MYRFL: variants seen among roughly 807,000 people sequenced by gnomAD.
The protein encoded by MYRFL is myelin regulatory factor-like protein.
A neutral mutation model predicts 109.4 loss-of-function variants in MYRFL; 88 were observed. The ratio of observed to expected loss-of-function variants is 0.80; its 90% CI spans 0.68 to 0.96. The LOEUF (loss-of-function observed/expected upper bound fraction) is 0.96. MYRFL is among the 40% of genes least tolerant of loss of function. MYRFL has a pLI of 0.00. For missense variants in MYRFL, 957 were observed against 954.9 expected (o/e 1.00, Z -0.03); for synonymous variants, 324 against 320.9 (o/e 1.01, Z -0.10).
At chr12:69,867,604 A>G (rs898922492) in intron 2 of MYRFL, among the ~76,000 whole-genome samples, 1 of 152,180 alleles carries the variant, frequency 6.6e-6, no homozygotes, top group African/African-American at 2.4e-5. Flanking sequence ...ATTTCGTTCT[A>G]ATGTTTGAGC....
intron 10 of MYRFL, among the ~76,000 whole-genome samples, chr12:69,899,225 C>A (rs976587236): frequency 1.4e-5 from 2 of 141,350 alleles, no homozygotes; most frequent in Non-Finnish European, 3.1e-5. Context: ...TTCATCCCCC[C>A]ACTAGAAATA....
At chr12:69,887,001 G>A in intron 6 of MYRFL, 31 bp downstream of exon 6, 1 of 1,533,822 alleles carries the variant, frequency 6.5e-7, no homozygotes, top group Non-Finnish European at 8.7e-7. Context: ...GGAGAGTGAG[G>A]GGAGAAAGAC....
chr12:69,887,033 G>GAT, intron 6 of MYRFL, 63 bp downstream of exon 6: 1 of 1,498,934 alleles, frequency 6.7e-7, no homozygotes, highest in Non-Finnish European at 8.9e-7. Context: ...TCAGTACTGA[G>GAT]TTCAAGCACT....
intron 2 of MYRFL, among the ~76,000 whole-genome samples, chr12:69,863,694 AG>A (rs1383989598): frequency 6.6e-6 from 1 of 152,202 alleles, no homozygotes; most frequent in Non-Finnish European, 1.5e-5. Flanking sequence ...AACTTAAGAG[AG>A]AAAAAGTAGG....
rs1478781453 is a variant in MYRFL at position 69,876,924 on chromosome 12, G to C, written c.138-2104G>C. 2.0e-5 allele frequency among the ~76,000 whole-genome samples: 3 copies of C among 152,134 alleles called. No homozygotes were observed. The East Asian group carries it at 5.8e-4, about 29-fold the overall frequency. On this transcript the variant is annotated intron_variant, in intron 2 of 24. Coordinates refer to ENST00000552032, the MANE Select transcript of MYRFL (RefSeq NM_182530.3). ...CAGTTTCCCTGGGACCATTTCTCTA[G>C]AGAGTAAACCTTTCCAACTTCTGTT...
intron 7 of MYRFL, among the ~76,000 whole-genome samples, chr12:69,891,649 C>CTTTCTTTCTTTCT: frequency 6.3e-5 from 6 of 94,854 alleles, no homozygotes; most frequent in African/African-American, 1.4e-4. Flanking sequence ...TTCTTTCTTT[C>CTTTCTTTCTTTCT]TTTCTTTCTT....
intron 1 of MYRFL, among the ~76,000 whole-genome samples, chr12:69,835,932 A>G (rs943597468): frequency 6.6e-6 from 1 of 152,196 alleles, no homozygotes; most frequent in Non-Finnish European, 1.5e-5. Flanking sequence ...TGCCGTCTAT[A>G]GGCTTGTGTT....
intron 2 of MYRFL, among the ~76,000 whole-genome samples, chr12:69,869,565 T>C (rs1885218523): frequency 6.6e-6 from 1 of 152,222 alleles, no homozygotes; most frequent in African/African-American, 2.4e-5. Flanking sequence ...TGGTCATATG[T>C]AGTTTAACAC....
At chr12:69,829,150 T>G (rs1303103012) in intron 1 of MYRFL, among the ~76,000 whole-genome samples, 2 of 152,072 alleles carry the variant, frequency 1.3e-5, no homozygotes, top group Non-Finnish European at 2.9e-5. Context: ...CTAGAACCTG[T>G]GGAAGGACAG....
chr12:69,957,971 G>C (rs1225044114), intron 23 of MYRFL, 29 bp downstream of exon 23: 1 of 1,521,522 alleles, frequency 6.6e-7, no homozygotes, highest in Non-Finnish European at 8.8e-7. Flanking sequence ...TCTCTTCCCC[G>C]CTGAGAGAGG....
chr12:69,869,723 G>T (rs1366287720), intron 2 of MYRFL, among the ~76,000 whole-genome samples: 2 of 152,116 alleles, frequency 1.3e-5, no homozygotes, highest in Non-Finnish European at 2.9e-5. Context: ...AGGATTGGAT[G>T]GCTCAATTGT....
intron 1 of MYRFL, among the ~76,000 whole-genome samples, chr12:69,834,822 CTGAG>C (rs1882840846): frequency 1.3e-5 from 2 of 152,156 alleles, no homozygotes. Context: ...GGACAAAGTA[CTGAG>C]TATTTCCTTT....
chr12:69,853,711 G>C (rs1370943001), intron 1 of MYRFL, among the ~76,000 whole-genome samples: 1 of 146,870 alleles, frequency 6.8e-6, no homozygotes, highest in Non-Finnish European at 1.5e-5. Flanking sequence ...CCCAGACGGG[G>C]AGGCAGCCGG....
In MYRFL at chr12:69,852,170, A is replaced by C. The variant is rs375975070; in HGVS notation, c.47-3110A>C. 1.2e-4 allele frequency among the ~76,000 whole-genome samples: 18 copies of C among 152,296 alleles called. No individual in the cohort carries two copies. In the South Asian group the frequency reaches 3.5e-3, roughly 30 times the overall value. ...ATTATGGCTGCAGGAGACTATCTTT[A>C]TAAGGGGAAATTCTCAGAAAACAAA... On this transcript the variant is annotated intron_variant, in intron 1 of 24. Coordinates refer to ENST00000552032, the MANE Select transcript of MYRFL (RefSeq NM_182530.3).
chr12:69,880,951 G>GTTTTTTTTTTTTTTTTTTTTT (rs71094746), intron 5 of MYRFL, among the ~76,000 whole-genome samples: 6 of 112,626 alleles, frequency 5.3e-5, no homozygotes, highest in Non-Finnish European at 5.4e-5. Context: ...CAGCCTTCCT[G>GTTTTTTTTTTTTTTTTTTTTT]TTTTTTTTTT....
chr12:69,857,651 T>C (rs551757444), intron 2 of MYRFL, among the ~76,000 whole-genome samples: 1 of 151,986 alleles, frequency 6.6e-6, no homozygotes, highest in South Asian at 2.1e-4. Flanking sequence ...TGGTTTTTTT[T>C]CAATTTTTAG....
At chr12:69,904,335 G>GCTC in intron 11 of MYRFL, 1 of 153,032 alleles carries the variant, frequency 6.5e-6, no homozygotes, top group South Asian at 2.1e-4. Flanking sequence ...CTCTTGAGAA[G>GCTC]CTCCTCCTCC....
chr12:69,904,309 C>T lies in MYRFL; in HGVS notation c.1383+465C>T, dbSNP rs143131060. 1,482 of 153,364 alleles carry T rather than the reference C, an allele frequency of 9.7e-3. 29 individuals are homozygous for T. Among genetic ancestry groups the T allele is most frequent in the African/African-American group, 0.034 (1,398 of 41,578 alleles). The allele number at this position is 153,364 out of a possible 1,614,324, so 9.5% of individuals were successfully genotyped here. A position where few individuals can be genotyped will look rare whatever the true frequency, so the allele number is the denominator to read the frequency against. On this transcript the variant is annotated intron_variant, in intron 11 of 24. Transcript: ENST00000552032. ...ACTGGCCATTATCTTCCCCAGGCAT[C>T]GTCTTTCTCTAGGAACTCTTGAGAA...
At chr12:69,922,580 C>T (rs879306928) in intron 13 of MYRFL, among the ~76,000 whole-genome samples, 105 of 152,062 alleles carry the variant, frequency 6.9e-4, no homozygotes, top group Non-Finnish European at 7.1e-4. Flanking sequence ...CACTCACCAG[C>T]GACCCTCTTC....
Sources: gnomAD v4.1 joint callset for allele counts (sites outside exome capture counted in the v4.1 genomes callset) on GRCh38, gnomAD v4.1.1 for gene constraint, MANE v1.5 for transcripts, NCBI Gene and HGNC (gene_info 2026-07-23, HGNC 2026-07-21) for gene names.